SACS: variants seen among roughly 807,000 people sequenced by gnomAD.
SACS encodes sacsin molecular chaperone, also known as sacsin.
Under a neutral mutation model 348.0 loss-of-function variants are expected in SACS, and 197 were observed. The ratio of observed to expected loss-of-function variants is 0.57; its 90% CI spans 0.50 to 0.64. SACS has a LOEUF of 0.64. Ranked by LOEUF, SACS falls within the 30% of genes least tolerant of loss-of-function variation. SACS has a pLI of 0.00. For missense variants in SACS, 4,999 were observed against 5,360.8 expected (o/e 0.93, Z 2.11); for synonymous variants, 1,985 against 1,910.6 (o/e 1.04, Z -1.02).
At chr13:23,351,955 T>A (rs1593141781) in intron 9 of SACS, among the ~76,000 whole-genome samples, 1 of 152,302 alleles carries the variant, frequency 6.6e-6, no homozygotes. Context: ...AAAATGCAAC[T>A]TTGAAAGATG....
intron 1 of SACS, among the ~76,000 whole-genome samples, chr13:23,414,132 G>T (rs1014156298): frequency 6.6e-6 from 1 of 152,052 alleles, no homozygotes. Flanking sequence ...GTGAAACCCC[G>T]TCTCTACTAA....
intron 6 of SACS, among the ~76,000 whole-genome samples, chr13:23,360,540 T>G (rs779892359): frequency 5.3e-5 from 8 of 152,064 alleles, no homozygotes; most frequent in Non-Finnish European, 8.8e-5. Context: ...GCACATGACA[T>G]TACCAGGAAC....
At chr13:23,390,648 T>G (rs1414924450) in intron 2 of SACS, among the ~76,000 whole-genome samples, 1 of 152,098 alleles carries the variant, frequency 6.6e-6, no homozygotes, top group African/African-American at 2.4e-5. Context: ...GGTGACAGAG[T>G]GAGACCTTGT....
chr13:23,383,715 A>C (rs1483174841), intron 2 of SACS, among the ~76,000 whole-genome samples: 1 of 152,224 alleles, frequency 6.6e-6, no homozygotes, highest in Non-Finnish European at 1.5e-5. Flanking sequence ...AAACGGCAAT[A>C]AGTCCAGGAC....
rs773910861 is a variant in SACS, at chr13:23,337,725, A to G, written c.6151T>C (p.Phe2051Leu). ...GCKQILLENTFSEKQFFSEVF... is the reference protein window; with the variant it reads ...GCKQILLENTLSEKQFFSEVF... ...TCAGAAAAAAACTGTTTCTCTGAAA[A>G]TGTGTTTTCAAGTAGTATCTGTTTG... is the stretch of plus-strand genomic sequence containing the variant. Residue 2051 changes from phenylalanine to leucine, a missense_variant, in exon 10 of 10, where the codon TTT becomes CTT. Phe to Leu is a conservative substitution (Grantham distance 22). This residue lies in a region of SACS where 3,156 missense variants were observed against 3,380.1 expected (regional missense o/e 0.93). Transcript: ENST00000382292. 1.2e-6 allele frequency: 2 copies of G among 1,613,374 alleles called. No homozygotes were observed. Among genetic ancestry groups the G allele is most frequent in the Non-Finnish European group, 1.7e-6 (2 of 1,179,860 alleles).
chr13:23,368,370 T>C (rs1486106389), intron 5 of SACS, 32 bp downstream of exon 5: 1 of 1,479,338 alleles, frequency 6.8e-7, no homozygotes, highest in East Asian at 2.3e-5. Context: ...TTTATCAAAG[T>C]AAATAACACA....
rs768489721 is a variant in SACS, at chr13:23,355,526, C to T, written c.1086G>A (p.Lys362=). The T allele has an allele frequency of 8.7e-6, 14 of 1,613,984 alleles. No homozygotes were observed. Among genetic ancestry groups the T allele is most frequent in the Non-Finnish European group, 1.2e-5 (14 of 1,180,014 alleles). The change falls in exon 8 of 10, where the codon AAG becomes AAA. Residue 362 remains lysine, a synonymous_variant. Transcript: ENST00000382292. ...LGTAISNYCK[K]TPSNNITCVT... is the part of the protein sequence containing the mutation. ...CACAGGTGATGTTATTGCTTGGAGT[C>T]TTTTTACAATAGTTACTTATAGCAG... is the stretch of plus-strand genomic sequence containing the variant.
Position 23,329,092 on chromosome 13 carries a change from A to C in SACS, c.*1044T>G. ...CAAAAGAAATATGTTAAAGTAAAGA[A>C]GCATGGCGAGACAAACATGAATTAA... is the stretch of plus-strand genomic sequence containing the variant. On this transcript the variant is annotated 3_prime_UTR_variant, in exon 10 of 10. Transcript: ENST00000382292. 4.3e-6 allele frequency: 1 copy of C among 231,438 alleles called. No homozygotes were observed. Among genetic ancestry groups the C allele is most frequent in the Non-Finnish European group, 8.2e-6 (1 of 121,592 alleles). 14.3% of individuals were successfully genotyped at this position (231,438 alleles called of 1,614,324 possible).
chr13:23,340,084 A>T lies in SACS; in HGVS notation c.3792T>A (p.Asn1264Lys). The change falls in exon 10 of 10, where the codon AAT (asparagine) becomes AAA (lysine). Residue 1264 changes from asparagine to lysine, a missense_variant. By Grantham distance (94) the Asn-to-Lys change is moderately conservative. This residue lies in a region of SACS where 3,156 missense variants were observed against 3,380.1 expected (regional missense o/e 0.93). Transcript: ENST00000382292. Reference sequence around the variant, plus strand: ...AGGCTCTAAAAGAATCTTTCCCTTCATTTAGATGATCATGCATGAATCCGT... The same window carrying T: ...AGGCTCTAAAAGAATCTTTCCCTTCTTTTAGATGATCATGCATGAATCCGT... Reference protein sequence around the residue: ...EIYGFMHDHLNEGKDSFRALK... With the variant: ...EIYGFMHDHLKEGKDSFRALK... The T allele has an allele frequency of 6.2e-7, 1 of 1,614,016 alleles. No homozygotes were observed. Among genetic ancestry groups the T allele is most frequent in the Non-Finnish European group, 8.5e-7 (1 of 1,179,944 alleles).
intron 1 of SACS, among the ~76,000 whole-genome samples, chr13:23,419,554 C>A (rs1029118827): frequency 6.6e-6 from 1 of 152,102 alleles, no homozygotes; most frequent in African/African-American, 2.4e-5. Flanking sequence ...TCACCCTTTA[C>A]TTCTTGGATT....
At chr13:23,380,120 C>CGTGTGTGTGTGTGTGTG (rs1491572643) in intron 2 of SACS, among the ~76,000 whole-genome samples, 30 of 86,156 alleles carry the variant, frequency 3.5e-4, no homozygotes, top group African/African-American at 1.2e-3. Flanking sequence ...CTGGGATTCC[C>CGTGTGTGTGTGTGTGTG]TCGTGTGTGT....
At chr13:23,346,787 G>T (rs1165808660) in intron 9 of SACS, 2 of 977,836 alleles carry the variant, frequency 2.0e-6, no homozygotes, top group Non-Finnish European at 2.4e-6. Flanking sequence ...GGCTTCAAAT[G>T]AACACAACAT....
intron 2 of SACS, among the ~76,000 whole-genome samples, chr13:23,394,340 G>A (rs1414349648): frequency 6.6e-6 from 1 of 152,140 alleles, no homozygotes; most frequent in Non-Finnish European, 1.5e-5. Flanking sequence ...CCATCAGCAA[G>A]AATCCTCTAC....
Position 23,335,004 on chromosome 13 carries a change from TC to T in SACS, c.8871del (p.Lys2958SerfsTer20). ...TPIHVVKDTL[K>X]KFLSFFPVNR... ...TTAACTGGGAAAAACGATAAAAACT[TC>T]TTTAAAGTGTCCTTTACAACATGAA... On this transcript the variant is annotated frameshift_variant, in exon 10 of 10. Coordinates refer to ENST00000382292, the MANE Select transcript of SACS (RefSeq NM_014363.6). LOFTEE classifies it high-confidence loss of function. This position sits in a 1 kb window ranked among gnomAD's most constrained non-coding sequence, Gnocchi z 4.7. 6.2e-7 allele frequency: 1 copy of T among 1,613,822 alleles called. No individual in the cohort carries two copies. The highest frequency in any genetic ancestry group is 8.5e-7 in the Non-Finnish European group (1 of 1,179,796).
intron 1 of SACS, among the ~76,000 whole-genome samples, chr13:23,415,557 A>G (rs1219888911): frequency 6.6e-6 from 1 of 152,162 alleles, no homozygotes. Flanking sequence ...CGTTACCCAG[A>G]TCATTCTTTT....
Position 23,375,226 on chromosome 13 carries a change from T to G in SACS, c.64A>C (p.Thr22Pro). 6.7e-7 allele frequency: 1 copy of G among 1,494,288 alleles called. No individual in the cohort carries two copies. Among genetic ancestry groups the G allele is most frequent in the Non-Finnish European group, 8.9e-7 (1 of 1,120,638 alleles). The allele number at this position is 1,494,288 out of a possible 1,614,324, so 92.6% of individuals were successfully genotyped here. A position where few individuals can be genotyped will look rare whatever the true frequency, so the allele number is the denominator to read the frequency against. ...TVLPGCVGCRTVAALASWTVR... is the reference protein window; with the variant it reads ...TVLPGCVGCRPVAALASWTVR... ...GTCCAGGACGCCAGCGCCGCGACGG[T>G]CCTGCAGCCCACGCAGCCGGGGAGC... Residue 22 changes from threonine to proline, a missense_variant, in exon 3 of 10, where the codon ACC (threonine) becomes CCC (proline). Thr to Pro is a conservative substitution (Grantham distance 38). Transcript: ENST00000382292.
Position 23,335,224 on chromosome 13 carries a change from A to G in SACS, c.8652T>C (p.Asn2884=). The G allele has an allele frequency of 6.2e-7, 1 of 1,613,954 alleles. No individual in the cohort carries two copies. The highest frequency in any genetic ancestry group is 8.5e-7 in the Non-Finnish European group (1 of 1,179,922). ...SLETGLPFHV[N]GHFALDSARR... ...TGGCTGAATCCAGTGCAAAGTGGCCATTCACATGAAATGGCAGCCCAGTCT... is the reference window on the plus strand; with the variant it reads ...TGGCTGAATCCAGTGCAAAGTGGCCGTTCACATGAAATGGCAGCCCAGTCT... Residue 2884 remains asparagine, a synonymous_variant, in exon 10 of 10, where the codon AAT becomes AAC. Coordinates refer to ENST00000382292, the MANE Select transcript of SACS (RefSeq NM_014363.6). This position sits in a 1 kb window ranked among gnomAD's most constrained non-coding sequence, Gnocchi z 4.7.
At chr13:23,388,554 CAAAT>C (rs1872401389) in intron 2 of SACS, among the ~76,000 whole-genome samples, 1 of 144,146 alleles carries the variant, frequency 6.9e-6, no homozygotes, top group East Asian at 2.1e-4. Flanking sequence ...AAAAAACAAA[CAAAT>C]AAAATAATGT....
intron 6 of SACS, among the ~76,000 whole-genome samples, chr13:23,364,437 C>CGTGG (rs142831903): frequency 0.19 from 28,303 of 152,082 alleles, 2,903 homozygotes; most frequent in East Asian, 0.34. Flanking sequence ...TCTGCCACCA[C>CGTGG]GCCCAGCTAA....
Sources: allele counts gnomAD v4.1 joint callset (sites outside exome capture counted in the v4.1 genomes callset), GRCh38; gene constraint gnomAD v4.1.1; regional missense constraint gnomAD v4.1.1; non-coding constraint Gnocchi (gnomAD v3.1); transcripts MANE v1.5; gene names NCBI Gene and HGNC (gene_info 2026-07-23, HGNC 2026-07-21).